Variants in NAALADL2 observed in about 807,000 individuals in gnomAD.
NAALADL2 encodes the protein N-acetylated alpha-linked acidic dipeptidase like 2, also known as inactive N-acetylated-alpha-linked acidic dipeptidase-like protein 2.
Under a neutral mutation model 87.2 loss-of-function variants are expected in NAALADL2, and 76 were observed. That is an observed-to-expected ratio of 0.87 (90% CI 0.72 to 1.05). The LOEUF (loss-of-function observed/expected upper bound fraction) is 1.05, where lower values mean the gene tolerates loss of function less well. NAALADL2 is among the 50% of genes least tolerant of loss of function. The pLI is 0.00. For synonymous variants in NAALADL2, 354 were observed against 331.0 expected (o/e 1.07, Z -0.75); for missense variants, 1,089 against 945.8 (o/e 1.15, Z -1.99).
chr3:174,574,222 A>G (rs1715267334), intron 2 of NAALADL2, among the ~76,000 whole-genome samples: 1 of 151,446 alleles, frequency 6.6e-6, no homozygotes, highest in African/African-American at 2.4e-5. Context: ...AAGAAAATTC[A>G]AGAAGAGGGA....
At chr3:175,619,377 CAAGATTGCCTCCCAAA>C (rs2149695012) in intron 10 of NAALADL2, among the ~76,000 whole-genome samples, 1 of 150,058 alleles carries the variant, frequency 6.7e-6, no homozygotes, top group African/African-American at 2.5e-5. Context: ...CCTGCACTAA[CAAGATTGCCTCCCAAA>C]AGGAAAAAAA....
At chr3:175,144,192 T>A (rs1259027601) in intron 2 of NAALADL2, among the ~76,000 whole-genome samples, 1 of 151,976 alleles carries the variant, frequency 6.6e-6, no homozygotes, top group Non-Finnish European at 1.5e-5. Context: ...TCAGTCAGCA[T>A]GCTGCAATAT....
At chr3:175,344,447 A>G (rs1171668941) in intron 5 of NAALADL2, among the ~76,000 whole-genome samples, 1 of 151,438 alleles carries the variant, frequency 6.6e-6, no homozygotes, top group African/African-American at 2.4e-5. Flanking sequence ...CCTAGTGCCC[A>G]GAGTAACTCC....
At chr3:175,006,040 T>G (rs1472595657) in intron 1 of NAALADL2, among the ~76,000 whole-genome samples, 1 of 152,200 alleles carries the variant, frequency 6.6e-6, no homozygotes, top group Non-Finnish European at 1.5e-5. Flanking sequence ...CCTATTGAAC[T>G]GAAATGAAAT....
intron 1 of NAALADL2, among the ~76,000 whole-genome samples, chr3:174,902,957 A>G (rs1732488414): frequency 6.6e-6 from 1 of 152,104 alleles, no homozygotes. Context: ...GGAATAAATA[A>G]ATAGTCTTAC....
chr3:175,746,919 T>C (rs562080124), intron 12 of NAALADL2, among the ~76,000 whole-genome samples: 1 of 152,322 alleles, frequency 6.6e-6, no homozygotes, highest in East Asian at 1.9e-4. Context: ...GTTCCTCATA[T>C]AAAATGGTGT....
chr3:175,048,715 T>G (rs58171399), intron 1 of NAALADL2, among the ~76,000 whole-genome samples: 9,423 of 152,170 alleles, frequency 0.062, 893 homozygotes, highest in African/African-American at 0.2. Flanking sequence ...ATTGTTTTAT[T>G]TTAATATGTG....
intron 5 of NAALADL2, among the ~76,000 whole-genome samples, chr3:175,356,609 T>TAATAATAATAATAATAAA (rs1553872598): frequency 1.7e-4 from 23 of 132,914 alleles, no homozygotes; most frequent in Non-Finnish European, 3.5e-4. Flanking sequence ...ATAATAATAA[T>TAATAATAATAATAATAAA]AAAGAAATAA....
chr3:175,098,256 G>A (rs959537531), intron 2 of NAALADL2, among the ~76,000 whole-genome samples: 2 of 152,030 alleles, frequency 1.3e-5, no homozygotes, highest in African/African-American at 4.8e-5. Context: ...ATGTAAAATT[G>A]TTTACATTGA....
chr3:174,709,314 T>TAA (rs1219344839), intron 2 of NAALADL2, among the ~76,000 whole-genome samples: 42 of 152,288 alleles, frequency 2.8e-4, no homozygotes, highest in Middle Eastern at 3.4e-3. Context: ...TTTGTGTCTT[T>TAA]CATCATGTTC....
chr3:175,506,932 A>G (rs1016026383), intron 9 of NAALADL2, among the ~76,000 whole-genome samples: 2 of 152,134 alleles, frequency 1.3e-5, no homozygotes, highest in Non-Finnish European at 2.9e-5. Flanking sequence ...GGGAAATGAC[A>G]TGCACGGGAC....
At chr3:174,938,925 T>A (rs1738142565) in intron 1 of NAALADL2, among the ~76,000 whole-genome samples, 1 of 152,142 alleles carries the variant, frequency 6.6e-6, no homozygotes, top group Non-Finnish European at 1.5e-5. Flanking sequence ...ATATTAGACC[T>A]TTGTCAGGTG....
At chr3:174,910,995 C>T (rs16865760) in intron 1 of NAALADL2, among the ~76,000 whole-genome samples, 4,343 of 152,158 alleles carry the variant, frequency 0.029, 105 homozygotes, top group Non-Finnish European at 0.041. Context: ...GTTTATCTCA[C>T]GGTTCTCAGG....
intron 1 of NAALADL2, among the ~76,000 whole-genome samples, chr3:174,958,330 T>C (rs2108542741): frequency 6.6e-6 from 1 of 152,004 alleles, no homozygotes; most frequent in South Asian, 2.1e-4. Context: ...ATTTATTGAA[T>C]AAGTAAATGA....
At chr3:174,517,773 C>A (rs550670080) in intron 1 of NAALADL2, among the ~76,000 whole-genome samples, 2 of 151,994 alleles carry the variant, frequency 1.3e-5, no homozygotes, top group Non-Finnish European at 2.9e-5. Flanking sequence ...TTTCTCATGT[C>A]CTTGTACATG....
chr3:174,680,736 T>C (rs1235307887), intron 2 of NAALADL2, among the ~76,000 whole-genome samples: 2 of 152,160 alleles, frequency 1.3e-5, no homozygotes, highest in South Asian at 2.1e-4. Flanking sequence ...TAAAATTACA[T>C]AGTGACATGC....
At chr3:174,553,765 A>G (rs1712428348) in intron 2 of NAALADL2, among the ~76,000 whole-genome samples, 1 of 152,172 alleles carries the variant, frequency 6.6e-6, no homozygotes, top group Non-Finnish European at 1.5e-5. Flanking sequence ...AAAGTTGAGT[A>G]TATGTGGTTT....
chr3:175,152,956 A>G (rs1375828246), intron 2 of NAALADL2, among the ~76,000 whole-genome samples: 1 of 152,116 alleles, frequency 6.6e-6, no homozygotes, highest in African/African-American at 2.4e-5. Context: ...TCCCAATAGA[A>G]GGTACCCAGA....
At chr3:175,666,228 A>T (rs984877666) in intron 11 of NAALADL2, among the ~76,000 whole-genome samples, 1 of 152,100 alleles carries the variant, frequency 6.6e-6, no homozygotes, top group Admixed American at 6.6e-5. Flanking sequence ...ACTGAAGTAA[A>T]TCTTGGAGAC....
Sources: allele counts gnomAD v4.1 joint callset (sites outside exome capture counted in the v4.1 genomes callset), GRCh38; gene constraint gnomAD v4.1.1; transcripts MANE v1.5; gene names NCBI Gene and HGNC (gene_info 2026-07-23, HGNC 2026-07-21).